Variants in MAGI2 observed in about 807,000 individuals in gnomAD.
The protein encoded by MAGI2 is membrane associated guanylate kinase, WW and PDZ domain containing 2.
A neutral mutation model predicts 133.3 loss-of-function variants in MAGI2; 35 were observed. That is an observed-to-expected ratio of 0.26 (90% CI 0.20 to 0.35). MAGI2 has a LOEUF of 0.35. Ranked by LOEUF, MAGI2 falls within the 10% of genes least tolerant of loss-of-function variation. MAGI2 has a pLI of 1.00. For synonymous variants in MAGI2, 729 were observed against 710.6 expected, an observed-to-expected ratio of 1.03 and a Z score of -0.41; for missense variants, 1,636 against 1,863.4, an observed-to-expected ratio of 0.88 and a Z score of 2.25.
intron 2 of MAGI2, among the ~76,000 whole-genome samples, chr7:78,888,063 C>T (rs2080724): frequency 0.36 from 54,923 of 152,096 alleles, 10,260 homozygotes; most frequent in East Asian, 0.5. Flanking sequence ...TCTTAGCAAA[C>T]GGCATACCAG....
intron 7 of MAGI2, among the ~76,000 whole-genome samples, chr7:78,361,867 G>A (rs181224642): frequency 6.6e-6 from 1 of 152,300 alleles, no homozygotes; most frequent in Non-Finnish European, 1.5e-5. Context: ...CAGCAATGGT[G>A]AAGTGTCTCC....
At chr7:78,400,450 A>G (rs1031182398) in intron 6 of MAGI2, among the ~76,000 whole-genome samples, 10 of 152,228 alleles carry the variant, frequency 6.6e-5, no homozygotes, top group Admixed American at 2.0e-4. Context: ...TTTAGTGTAC[A>G]GATCTGATTT....
chr7:78,846,535 G>A (rs1792625951), intron 2 of MAGI2, among the ~76,000 whole-genome samples: 1 of 151,874 alleles, frequency 6.6e-6, no homozygotes, highest in Admixed American at 6.6e-5. Context: ...ATCTTGTGAA[G>A]ATAACATTGA....
intron 4 of MAGI2, among the ~76,000 whole-genome samples, chr7:78,515,909 AG>A (rs540250943): frequency 9.2e-4 from 140 of 152,200 alleles, no homozygotes; most frequent in African/African-American, 2.6e-3. Flanking sequence ...CAAAAAAAAA[AG>A]GTCCTTGTTC....
chr7:78,646,613 A>C (rs961387017), intron 2 of MAGI2, among the ~76,000 whole-genome samples: 29 of 152,208 alleles, frequency 1.9e-4, no homozygotes, highest in African/African-American at 7.0e-4. Flanking sequence ...TTGGCAATAC[A>C]ATCACTATGC....
intron 2 of MAGI2, among the ~76,000 whole-genome samples, chr7:78,709,690 C>T (rs377592548): frequency 4.6e-5 from 7 of 152,280 alleles, no homozygotes; most frequent in South Asian, 2.1e-4. Context: ...GCTTGCCATC[C>T]GGCAGAATTT....
chr7:78,501,730 G>C lies in MAGI2; in HGVS notation c.812C>G (p.Pro271Arg). ...CTGACTGTACACTGGTGCAGGATAAGGCTGGGAGGGCATCTCCCCTGAGGC... is the reference window on the plus strand; with the variant it reads ...CTGACTGTACACTGGTGCAGGATAACGCTGGGAGGGCATCTCCCCTGAGGC... ...AGASGEMPSQ[P>R]YPAPVYSQPE... Residue 271 changes from proline to arginine, a missense_variant, in exon 5 of 22, where the codon CCT becomes CGT. Around this residue, in one of 5 missense-constraint regions of MAGI2, gnomAD observed 165 missense variants for 128.4 expected, o/e 1.28. Transcript: ENST00000354212. 3 of 1,614,086 alleles carry C rather than the reference G, an allele frequency of 1.9e-6. No individual in the cohort carries two copies. The highest frequency in any genetic ancestry group is 2.5e-6 in the Non-Finnish European group (3 of 1,180,024).
chr7:78,246,293 G>A (rs531352364), intron 10 of MAGI2, among the ~76,000 whole-genome samples: 24 of 152,164 alleles, frequency 1.6e-4, no homozygotes, highest in South Asian at 4.1e-4. Context: ...TTGAAGATGT[G>A]CCCTGCCTCC....
chr7:78,019,456 G>A lies in MAGI2; in HGVS notation c.4227C>T (p.Arg1409=), dbSNP rs1351843028. The A allele has an allele frequency of 7.1e-6, 7 of 982,126 alleles. No individual in the cohort carries two copies. The highest frequency in any genetic ancestry group is 1.1e-4 in the East Asian group (1 of 8,700). 60.8% of individuals were successfully genotyped at this position (982,126 alleles called of 1,614,324 possible). The change falls in exon 22 of 22, where the codon CGC becomes CGT. Residue 1409 remains arginine, a synonymous_variant. Coordinates refer to ENST00000354212, the MANE Select transcript of MAGI2 (RefSeq NM_012301.4). ...GTCGCGGGCCCGGCCGGGGACCCGC[G>A]CGCGCACCCGCCCTGCCCTCGGCCT... ...ALEAEGRAGA[R]AGPRPGPRPP... is the part of the protein sequence containing the mutation.
intron 16 of MAGI2, among the ~76,000 whole-genome samples, chr7:78,137,469 A>G (rs767412365): frequency 3.3e-5 from 5 of 152,170 alleles, no homozygotes; most frequent in South Asian, 2.1e-4. Flanking sequence ...TCTTTTAAAT[A>G]TTTCTGATAT....
chr7:78,627,669 T>C (rs981248376), intron 2 of MAGI2, among the ~76,000 whole-genome samples: 1 of 152,184 alleles, frequency 6.6e-6, no homozygotes, highest in African/African-American at 2.4e-5. Flanking sequence ...TAGGAAAATG[T>C]CAATTTATCT....
intron 1 of MAGI2, among the ~76,000 whole-genome samples, chr7:79,109,300 T>C (rs902070434): frequency 2.0e-5 from 3 of 152,278 alleles, no homozygotes; most frequent in African/African-American, 7.2e-5. Context: ...ATTCTGATAG[T>C]TATTTGGACA....
At chr7:79,291,163 TCAA>T (rs1308900876) in intron 1 of MAGI2, among the ~76,000 whole-genome samples, 1 of 152,148 alleles carries the variant, frequency 6.6e-6, no homozygotes, top group Non-Finnish European at 1.5e-5. Context: ...ATAAATTGAA[TCAA>T]CAATATGTGG....
At chr7:78,885,680 T>C (rs1441918427) in intron 2 of MAGI2, among the ~76,000 whole-genome samples, 1 of 149,930 alleles carries the variant, frequency 6.7e-6, no homozygotes, top group African/African-American at 2.4e-5. Flanking sequence ...TATTTACACA[T>C]TTCCATGTTT....
intron 2 of MAGI2, among the ~76,000 whole-genome samples, chr7:78,944,211 C>G (rs142925750): frequency 6.6e-6 from 1 of 152,154 alleles, no homozygotes; most frequent in South Asian, 2.1e-4. Context: ...TGCACTCATA[C>G]TTTTATAATG....
chr7:78,248,787 G>A (rs1356853524), intron 10 of MAGI2, among the ~76,000 whole-genome samples: 1 of 152,074 alleles, frequency 6.6e-6, no homozygotes, highest in Non-Finnish European at 1.5e-5. Context: ...AACATGTGGA[G>A]ATACTTCATG....
At chr7:78,672,725 T>C (rs188963995) in intron 2 of MAGI2, among the ~76,000 whole-genome samples, 2 of 152,346 alleles carry the variant, frequency 1.3e-5, no homozygotes, top group East Asian at 3.9e-4. Context: ...TTAAAAATCC[T>C]GTGCCCCATC....
intron 1 of MAGI2, among the ~76,000 whole-genome samples, chr7:79,419,104 T>C (rs1431994721): frequency 6.6e-6 from 1 of 152,092 alleles, no homozygotes; most frequent in African/African-American, 2.4e-5. Flanking sequence ...CCTTTAGTTG[T>C]CAATGACTTA....
chr7:78,801,470 C>T (rs1395315939), intron 2 of MAGI2, among the ~76,000 whole-genome samples: 1 of 152,060 alleles, frequency 6.6e-6, no homozygotes, highest in African/African-American at 2.4e-5. Flanking sequence ...ATCCCAAAAC[C>T]ATTATTGATA....
Sources: gnomAD v4.1 joint callset for allele counts (sites outside exome capture counted in the v4.1 genomes callset) on GRCh38, gnomAD v4.1.1 for gene constraint, gnomAD v4.1.1 regional missense constraint, MANE v1.5 for transcripts, NCBI Gene and HGNC (gene_info 2026-07-23, HGNC 2026-07-21) for gene names.